The following CFAP61 variants were observed in gnomAD, a reference collection of about 807,000 sequenced individuals.
The protein encoded by CFAP61 is cilia- and flagella-associated protein 61.
In CFAP61, 107 loss-of-function variants were observed where a neutral mutation model predicts 135.6. That is an observed-to-expected ratio of 0.79 (90% CI 0.67 to 0.93). CFAP61 has a LOEUF of 0.93. Among genes scored for constraint, CFAP61 ranks in the 40% least tolerant of loss-of-function variants. The pLI, the probability that CFAP61 is intolerant of heterozygous loss-of-function variation, is 0.00. For synonymous variants in CFAP61, 575 were observed against 578.5 expected, an observed-to-expected ratio of 0.99 and a Z score of 0.09; for missense variants, 1,507 against 1,556.2, an observed-to-expected ratio of 0.97 and a Z score of 0.53.
At chr20:20,346,828 A>G (rs1205875732) in intron 26 of CFAP61, among the ~76,000 whole-genome samples, 7 of 152,254 alleles carry the variant, frequency 4.6e-5, no homozygotes, top group Non-Finnish European at 1.0e-4. Flanking sequence ...TCTGTATTTT[A>G]CTTTCAATAA....
At chr20:20,309,085 A>G (rs1439503084) in intron 25 of CFAP61, among the ~76,000 whole-genome samples, 2 of 152,216 alleles carry the variant, frequency 1.3e-5, no homozygotes, top group Non-Finnish European at 2.9e-5. Flanking sequence ...TTTTTATGGC[A>G]AACTAACAAT....
chr20:20,083,650 G>T (rs984472854), intron 6 of CFAP61, among the ~76,000 whole-genome samples: 43 of 152,292 alleles, frequency 2.8e-4, no homozygotes, highest in African/African-American at 9.1e-4. Context: ...TGACTTCTGA[G>T]CAATTTCATA....
chr20:20,074,985 G>A (rs1216670714), intron 4 of CFAP61, among the ~76,000 whole-genome samples: 2 of 152,300 alleles, frequency 1.3e-5, no homozygotes, highest in Middle Eastern at 3.4e-3. Context: ...AGATCGAAAA[G>A]GGGCCCTTTA....
At chr20:20,245,970 T>C (rs2050426233) in intron 18 of CFAP61, 147 bp from the exon 19 acceptor site, 1 of 606,160 alleles carries the variant, frequency 1.6e-6, no homozygotes, top group Middle Eastern at 4.5e-4. Context: ...TGGTTGGTTC[T>C]ATCTGAAGGT....
chr20:20,343,152 C>T (rs1475740833), intron 26 of CFAP61, among the ~76,000 whole-genome samples: 2 of 152,278 alleles, frequency 1.3e-5, no homozygotes, highest in East Asian at 1.9e-4. Flanking sequence ...CCATCGCGCC[C>T]GACCAGCTTA....
chr20:20,075,933 C>A lies in CFAP61; in HGVS notation c.566+318C>A, dbSNP rs983466312. ...TAAAACAAGCTTAAAAATGAACCTG[C>A]CTATTCAGTTTTCTCGGTAAAACCC... On this transcript the variant is annotated intron_variant, in intron 6 of 26. Coordinates refer to ENST00000245957, the MANE Select transcript of CFAP61 (RefSeq NM_015585.4). Among the ~76,000 whole-genome samples, 7 of 151,906 alleles carry A rather than the reference C, an allele frequency of 4.6e-5. No homozygotes were observed. In the East Asian group the frequency reaches 5.8e-4, roughly 13 times the overall value.
At chr20:20,286,099 G>A (rs906452139) in intron 22 of CFAP61, among the ~76,000 whole-genome samples, 1 of 150,634 alleles carries the variant, frequency 6.6e-6, no homozygotes, top group Non-Finnish European at 1.5e-5. Context: ...TAATACACAA[G>A]CTACCCAAAC....
rs2047786569 is a variant in CFAP61, at chr20:20,098,780, A to G, written c.825A>G (p.Glu275=). Reference sequence around the variant, plus strand: ...TCCCACATCCTGATGACGTTCTGGAATCACCACAAGACCTAAGTGTCCGAA... The same window carrying G: ...TCCCACATCCTGATGACGTTCTGGAGTCACCACAAGACCTAAGTGTCCGAA... ...LCFPHPDDVL[E]SPQDLSVRRS... The change falls in exon 8 of 27, where the codon GAA becomes GAG. Residue 275 remains glutamate (E), a synonymous_variant. Transcript: ENST00000245957. 1.2e-6 allele frequency: 2 copies of G among 1,613,768 alleles called. No homozygotes were observed. Among genetic ancestry groups the G allele is most frequent in the Admixed American group, 3.3e-5 (2 of 59,946 alleles).
chr20:20,231,920 T>C (rs2049170551), intron 18 of CFAP61, among the ~76,000 whole-genome samples: 1 of 152,192 alleles, frequency 6.6e-6, no homozygotes, highest in Non-Finnish European at 1.5e-5. Context: ...TTCTTGTGAT[T>C]GGTGGGTTGT....
chr20:20,058,767 G>A (rs1176098684), intron 2 of CFAP61, among the ~76,000 whole-genome samples: 1 of 152,210 alleles, frequency 6.6e-6, no homozygotes, highest in Non-Finnish European at 1.5e-5. Flanking sequence ...CCAGTAGTGT[G>A]TCCAGGAAAC....
intron 16 of CFAP61, 75 bp from the exon 17 acceptor site, chr20:20,199,693 T>C: frequency 1.3e-6 from 2 of 1,523,986 alleles, no homozygotes; most frequent in Non-Finnish European, 8.9e-7. Context: ...TTTGTATTTG[T>C]AAAGCTGTAC....
chr20:20,169,514 G>A (rs995831726), intron 13 of CFAP61, 54 bp downstream of exon 13: 42 of 1,465,440 alleles, frequency 2.9e-5, no homozygotes, highest in South Asian at 4.7e-5. Flanking sequence ...CAGAAGAGAA[G>A]GGAACAAGGA....
intron 13 of CFAP61, among the ~76,000 whole-genome samples, chr20:20,179,964 G>A (rs537453060): frequency 6.6e-6 from 1 of 152,296 alleles, no homozygotes; most frequent in South Asian, 2.1e-4. Flanking sequence ...ATAGGAATGG[G>A]CAAAGGTGTC....
chr20:20,356,697 G>A (rs1172172669), intron 26 of CFAP61, among the ~76,000 whole-genome samples: 1 of 17,248 alleles, frequency 5.8e-5, no homozygotes, highest in African/African-American at 2.4e-4. Flanking sequence ...GTGAGGGGAG[G>A]TGGTCACACT....
chr20:20,056,392 GAA>G (rs2146530657), intron 1 of CFAP61, among the ~76,000 whole-genome samples: 1 of 152,270 alleles, frequency 6.6e-6, no homozygotes, highest in African/African-American at 2.4e-5. Context: ...TGGAAACAAA[GAA>G]TATAGTTGCA....
intron 8 of CFAP61, among the ~76,000 whole-genome samples, chr20:20,137,049 A>T (rs2050985008): frequency 6.6e-6 from 1 of 152,172 alleles, no homozygotes; most frequent in Non-Finnish European, 1.5e-5. Context: ...ATCCAGAAGA[A>T]TACTCTGGAT....
At chr20:20,326,133 A>T (rs1307014448) in intron 25 of CFAP61, among the ~76,000 whole-genome samples, 1 of 152,102 alleles carries the variant, frequency 6.6e-6, no homozygotes, top group Non-Finnish European at 1.5e-5. Flanking sequence ...TTCTTTGGTG[A>T]CGTGTCCAGC....
At chr20:20,130,937 T>G (rs2050475520) in intron 8 of CFAP61, among the ~76,000 whole-genome samples, 1 of 151,848 alleles carries the variant, frequency 6.6e-6, no homozygotes, top group African/African-American at 2.4e-5. Flanking sequence ...ATGCCTTCCA[T>G]GAGTTGAGGC....
chr20:20,333,393 G>A (rs1250230531), intron 25 of CFAP61, among the ~76,000 whole-genome samples: 1 of 152,162 alleles, frequency 6.6e-6, no homozygotes, highest in African/African-American at 2.4e-5. Flanking sequence ...TACATAAGCT[G>A]ACAAGTGGCA....
Sources: gnomAD v4.1 joint callset for allele counts (sites outside exome capture counted in the v4.1 genomes callset) on GRCh38, gnomAD v4.1.1 for gene constraint, MANE v1.5 for transcripts, NCBI Gene and HGNC (gene_info 2026-07-23, HGNC 2026-07-21) for gene names.